Variants in CR1 observed in about 807,000 individuals in gnomAD.
The protein encoded by CR1 is complement C3b/C4b receptor 1 (Knops blood group), also known as complement receptor type 1.
In CR1, 116 loss-of-function variants were observed where a neutral mutation model predicts 187.3. The observed-to-expected ratio is 0.62, with a 90% confidence interval of 0.53 to 0.72. The LOEUF is 0.72. CR1 is among the 30% of genes least tolerant of loss of function. CR1 has a pLI of 0.00. For synonymous variants in CR1, 576 were observed against 747.1 expected (o/e 0.77, Z 3.73); for missense variants, 1,731 against 2,110.7 (o/e 0.82, Z 3.52).
At chr1:207,623,587 A>AAC (rs55918544) in intron 45 of CR1, among the ~76,000 whole-genome samples, 2,410 of 144,116 alleles carry the variant, frequency 0.017, 24 homozygotes, top group Non-Finnish European at 0.026. Flanking sequence ...TACATCTCAA[A>AAC]ACACACACAC....
chr1:207,515,140 T>TGCATAC (rs1558220627), intron 4 of CR1, among the ~76,000 whole-genome samples: 4 of 139,156 alleles, frequency 2.9e-5, no homozygotes, highest in African/African-American at 1.0e-4. Flanking sequence ...TATATATACG[T>TGCATAC]GTATACGTAT....
intron 1 of CR1, 33 bp from the exon 2 acceptor site, chr1:207,505,871 T>G (rs1365248647): frequency 6.3e-7 from 1 of 1,576,028 alleles, no homozygotes; most frequent in South Asian, 1.2e-5. Flanking sequence ...ATTTCTCCAT[T>G]AACTTTGATG....
chr1:207,611,021 T>C (rs1214773615), intron 37 of CR1, among the ~76,000 whole-genome samples: 2 of 152,104 alleles, frequency 1.3e-5, no homozygotes, highest in East Asian at 1.9e-4. Flanking sequence ...AAATACTACA[T>C]CTTATTCATT....
intron 23 of CR1, among the ~76,000 whole-genome samples, chr1:207,565,626 G>A (rs1660469908): frequency 6.7e-6 from 1 of 150,050 alleles, no homozygotes. Context: ...ATTCAAGCAG[G>A]ACTATCATGT....
At chr1:207,521,844 T>A (rs1382437870) in intron 4 of CR1, among the ~76,000 whole-genome samples, 1 of 148,402 alleles carries the variant, frequency 6.7e-6, no homozygotes, top group Non-Finnish European at 1.5e-5. Flanking sequence ...ATACTTTTTT[T>A]TTTTTGTCGA....
In CR1 at chr1:207,607,280, C is replaced by T. The variant is rs746434908; in HGVS notation, c.5840C>T (p.Thr1947Ile). The change falls in exon 36 of 47, where the codon ACT becomes ATT. Residue 1947 changes from threonine to isoleucine, a missense_variant. Coordinates refer to ENST00000367049, the MANE Select transcript of CR1 (RefSeq NM_000651.6). Reference protein sequence around the residue: ...GFRLIGSPSTTCLVSGNNVTW... With the variant: ...GFRLIGSPSTICLVSGNNVTW... ...CGACTCATTGGTTCCCCATCTACTA[C>T]TTGTCTCGTCTCAGGCAATAATGTC... 2.5e-6 allele frequency: 4 copies of T among 1,613,480 alleles called. No individual in the cohort carries two copies. The highest frequency in any genetic ancestry group is 3.4e-6 in the Non-Finnish European group (4 of 1,179,558).
At chr1:207,519,712 G>C (rs1196998364) in intron 4 of CR1, among the ~76,000 whole-genome samples, 2 of 152,196 alleles carry the variant, frequency 1.3e-5, no homozygotes, top group Non-Finnish European at 2.9e-5. Flanking sequence ...AGCCTCCCGA[G>C]CCAAAGTAAG....
At chr1:207,566,032 G>T (rs568865419) in intron 24 of CR1, 109 bp downstream of exon 24, 11 of 1,415,150 alleles carry the variant, frequency 7.8e-6, no homozygotes, top group Admixed American at 6.1e-5. Flanking sequence ...CTTAATTATC[G>T]ATTTAAAAAT....
Position 207,506,702 on chromosome 1 carries a change from TC to T in CR1, c.302-11del. On this transcript the variant is annotated splice_polypyrimidine_tract_variant and intron_variant, in intron 2 of 46. Coordinates refer to ENST00000367049, the MANE Select transcript of CR1 (RefSeq NM_000651.6). The stretch of plus-strand genomic sequence containing the variant: ...CTCTACTTGGCTCCAAAATTCTGTT[TC>T]TTTCCTGTAGGTAAATCATGTCGTA... 1 of 1,612,394 alleles carries T rather than the reference TC, an allele frequency of 6.2e-7. No individual in the cohort carries two copies.
chr1:207,511,639 A>C lies in CR1; in HGVS notation c.472A>C (p.Thr158Pro). The change falls in exon 4 of 47, where the codon ACA becomes CCA. Residue 158 changes from threonine to proline, a missense_variant. Physicochemically the swap from Thr to Pro is conservative, Grantham distance 38. This residue lies in a region of CR1 where 237 missense variants were observed against 240.4 expected (regional missense o/e 0.99). Transcript: ENST00000367049. ...SGDTVIWDNE[T>P]PICDRIPCGL... is the part of the protein sequence containing the mutation. The stretch of plus-strand genomic sequence containing the variant: ...TGATACTGTCATTTGGGATAATGAA[A>C]CACCTATTTGTGACAGTGAGTTGAA... The C allele has an allele frequency of 6.2e-7, 1 of 1,613,060 alleles. No individual in the cohort carries two copies. Among genetic ancestry groups the C allele is most frequent in the Non-Finnish European group, 8.5e-7 (1 of 1,179,224 alleles).
Position 207,618,264 on chromosome 1 carries a change from T to C in CR1, c.7066+17T>C, listed in dbSNP as rs1662208104. 6.2e-7 allele frequency: 1 copy of C among 1,610,204 alleles called. No homozygotes were observed. ...ATTGCAAAGGTGACTTATTTCTTGG[T>C]ATTCCTTATTCTTGCTGGGTTGTAT... On this transcript the variant is annotated intron_variant, in intron 42 of 46. Transcript: ENST00000367049.
In CR1 at chr1:207,568,005, G is replaced by T; in HGVS notation, c.4134G>T (p.Gly1378=). 6.2e-7 allele frequency: 1 copy of T among 1,610,640 alleles called. No homozygotes were observed. The highest frequency in any genetic ancestry group is 8.5e-7 in the Non-Finnish European group (1 of 1,179,600). The part of the protein sequence containing the change: ...IRCTSDPQGN[G]VWSSPAPRCG... ...GCACAAGTGACCCTCAAGGGAATGGGGTTTGGAGCAGCCCTGCCCCTCGCT... is the reference window on the plus strand; with the variant it reads ...GCACAAGTGACCCTCAAGGGAATGGTGTTTGGAGCAGCCCTGCCCCTCGCT... The change falls in exon 25 of 47, where the codon GGG becomes GGT. Residue 1378 remains glycine, a synonymous_variant. Transcript: ENST00000367049.
chr1:207,526,320 C>A (rs1242766772), intron 5 of CR1, among the ~76,000 whole-genome samples: 1 of 151,760 alleles, frequency 6.6e-6, no homozygotes, highest in Non-Finnish European at 1.5e-5. Context: ...ATGGAGGGAC[C>A]TATTAGATGA....
At chr1:207,568,214 C>A (rs1392639907) in intron 25 of CR1, among the ~76,000 whole-genome samples, 172 bp downstream of exon 25, 4 of 147,522 alleles carry the variant, frequency 2.7e-5, no homozygotes, top group Admixed American at 1.3e-4. Context: ...ATCCTGATGA[C>A]CTTTGCAGAT....
intron 35 of CR1, among the ~76,000 whole-genome samples, chr1:207,605,433 CAT>C (rs1661722215): frequency 6.6e-6 from 1 of 151,664 alleles, no homozygotes; most frequent in Non-Finnish European, 1.5e-5. Flanking sequence ...GCAACAGAAA[CAT>C]ATATCAAAAC....
At chr1:207,512,077 T>A (rs946628910) in intron 4 of CR1, among the ~76,000 whole-genome samples, 9 of 152,236 alleles carry the variant, frequency 5.9e-5, no homozygotes, top group African/African-American at 2.2e-4. Flanking sequence ...CCCCATGCAC[T>A]ATAAACCTCA....
chr1:207,505,771 G>T, intron 1 of CR1, 133 bp from the exon 2 acceptor site: 16 of 940,082 alleles, frequency 1.7e-5, no homozygotes, highest in South Asian at 5.3e-5. Flanking sequence ...AAGAGGCGGA[G>T]GTTGCAGTGA....
intron 4 of CR1, among the ~76,000 whole-genome samples, chr1:207,521,807 AATATATATATAT>A (rs3991753): frequency 7.5e-6 from 1 of 132,866 alleles, no homozygotes; most frequent in Non-Finnish European, 1.6e-5. Flanking sequence ...ACATCTGGAT[AATATATATATAT>A]ATATATATGT....
chr1:207,620,038 G>C lies in CR1; in HGVS notation c.7225G>C (p.Asp2409His). 1 of 1,612,382 alleles carries C rather than the reference G, an allele frequency of 6.2e-7. No homozygotes were observed. The highest frequency in any genetic ancestry group is 8.5e-7 in the Non-Finnish European group (1 of 1,179,568). The change falls in exon 43 of 47, where the codon GAC becomes CAC. Residue 2409 changes from aspartate (D) to histidine (H), a missense_variant. Asp to His is a moderately conservative substitution (Grantham distance 81). This residue lies in a region of CR1 where 1,312 missense variants were observed against 1,379.6 expected (regional missense o/e 0.95). Transcript: ENST00000367049. The stretch of plus-strand genomic sequence containing the variant: ...CCAGTGCCAGGCGGATGACAGATGG[G>C]ACCCTCCTCTGGCCAAATGTACCTC... ...WSQCQADDRW[D>H]PPLAKCTSRT...
Sources: gnomAD v4.1 joint callset for allele counts (sites outside exome capture counted in the v4.1 genomes callset) on GRCh38, gnomAD v4.1.1 for gene constraint, gnomAD v4.1.1 regional missense constraint, MANE v1.5 for transcripts, NCBI Gene and HGNC (gene_info 2026-07-23, HGNC 2026-07-21) for gene names.